The following DAB1 variants were observed in gnomAD, a reference collection of about 807,000 sequenced individuals.
DAB1 encodes the protein DAB adaptor protein 1.
Under a neutral mutation model 64.6 loss-of-function variants are expected in DAB1, and 15 were observed. That is an observed-to-expected ratio of 0.23 (90% confidence interval 0.16 to 0.36). DAB1 has a LOEUF of 0.36. DAB1 is among the 10% of genes least tolerant of loss of function. The pLI is 1.00. For synonymous variants in DAB1, 235 were observed against 251.9 expected (o/e 0.93, Z 0.64); for missense variants, 596 against 706.7 (o/e 0.84, Z 1.78).
intron 4 of DAB1, among the ~76,000 whole-genome samples, chr1:57,130,571 A>G (rs1474228371): frequency 2.0e-5 from 3 of 152,192 alleles, no homozygotes; most frequent in South Asian, 2.1e-4. Flanking sequence ...ATGAAATACT[A>G]TCAGGCCATA....
chr1:58,195,144 CAGAGAGACAG>C (rs1383530978), intron 4 of DAB1, among the ~76,000 whole-genome samples: 4 of 81,776 alleles, frequency 4.9e-5, no homozygotes, highest in East Asian at 1.3e-3. Flanking sequence ...GAGAGAGAGA[CAGAGAGACAG>C]AGAGAGACAG....
chr1:57,359,134 C>A (rs1558234158), intron 1 of DAB1, among the ~76,000 whole-genome samples: 1 of 151,926 alleles, frequency 6.6e-6, no homozygotes, highest in Non-Finnish European at 1.5e-5. Flanking sequence ...GCAAACAAAC[C>A]AATCAACAGA....
chr1:58,195,246 C>A (rs556263624), intron 4 of DAB1, among the ~76,000 whole-genome samples: 4 of 151,998 alleles, frequency 2.6e-5, no homozygotes, highest in Admixed American at 6.6e-5. Context: ...TTGTTGAGCC[C>A]AAAAATGAAT....
chr1:58,298,938 T>C (rs1662054031), intron 4 of DAB1, among the ~76,000 whole-genome samples: 1 of 152,224 alleles, frequency 6.6e-6, no homozygotes, highest in African/African-American at 2.4e-5. Flanking sequence ...CTTCTCTCTT[T>C]TATGTATATA....
At chr1:57,234,464 T>C (rs960278130) in intron 2 of DAB1, among the ~76,000 whole-genome samples, 1 of 152,228 alleles carries the variant, frequency 6.6e-6, no homozygotes, top group Non-Finnish European at 1.5e-5. Context: ...AATAATTGTA[T>C]TGAGTGCTTT....
chr1:58,006,191 A>G (rs770250346), intron 5 of DAB1, among the ~76,000 whole-genome samples: 1 of 152,200 alleles, frequency 6.6e-6, no homozygotes, highest in African/African-American at 2.4e-5. Context: ...ATGAATATTT[A>G]TCAATTTAAC....
At chr1:57,219,904 G>A (rs906915613) in intron 2 of DAB1, among the ~76,000 whole-genome samples, 4 of 152,170 alleles carry the variant, frequency 2.6e-5, no homozygotes, top group South Asian at 2.1e-4. Context: ...AAGCTGGGCC[G>A]AGACCCCTGA....
intron 5 of DAB1, among the ~76,000 whole-genome samples, chr1:57,947,567 G>A (rs887451923): frequency 5.3e-5 from 8 of 152,024 alleles, no homozygotes; most frequent in African/African-American, 1.7e-4. Flanking sequence ...CAAACGTCCC[G>A]TGGAAAGAAA....
chr1:58,081,498 T>A (rs1056851715), intron 5 of DAB1, among the ~76,000 whole-genome samples: 2 of 152,190 alleles, frequency 1.3e-5, no homozygotes, highest in Non-Finnish European at 2.9e-5. Flanking sequence ...ACAGAGAAAC[T>A]GAGATGGCCT....
At chr1:57,144,461 C>T (rs756674068) in intron 3 of DAB1, among the ~76,000 whole-genome samples, 2 of 151,860 alleles carry the variant, frequency 1.3e-5, no homozygotes, top group South Asian at 2.1e-4. Context: ...TTTGGGAGGC[C>T]GAGGCGGACG....
chr1:57,028,293 C>A (rs1266727005), intron 9 of DAB1, among the ~76,000 whole-genome samples: 1 of 152,182 alleles, frequency 6.6e-6, no homozygotes, highest in Non-Finnish European at 1.5e-5. Context: ...CTTTCCCTTG[C>A]TGCTGCCATG....
At chr1:57,836,320 G>A (rs1018102802) in intron 1 of DAB1, among the ~76,000 whole-genome samples, 24 of 152,210 alleles carry the variant, frequency 1.6e-4, no homozygotes, top group African/African-American at 5.8e-4. Context: ...AGTGTTCCAT[G>A]CCTATATAGT....
At chr1:57,108,078 T>C (rs1380567191) in intron 4 of DAB1, among the ~76,000 whole-genome samples, 1 of 152,174 alleles carries the variant, frequency 6.6e-6, no homozygotes, top group Non-Finnish European at 1.5e-5. Context: ...TTTTCCTGTA[T>C]CTTTCTGAAT....
At chr1:57,470,644 A>G (rs1687104509) in intron 7 of DAB1, among the ~76,000 whole-genome samples, 2 of 152,204 alleles carry the variant, frequency 1.3e-5, no homozygotes, top group African/African-American at 4.8e-5. Context: ...CAGGTGGCCT[A>G]ATTCAGAAAA....
At chr1:58,396,821 G>A (rs543635999) in intron 3 of DAB1, among the ~76,000 whole-genome samples, 13 of 152,278 alleles carry the variant, frequency 8.5e-5, no homozygotes, top group African/African-American at 1.2e-4. Context: ...CCAGCACTTT[G>A]GGAGGCCAAG....
chr1:57,292,142 C>T (rs1236166107), intron 1 of DAB1, among the ~76,000 whole-genome samples: 1 of 152,134 alleles, frequency 6.6e-6, no homozygotes, highest in African/African-American at 2.4e-5. Flanking sequence ...CTTAGTTCAT[C>T]CCACAGATGT....
intron 6 of DAB1, among the ~76,000 whole-genome samples, chr1:57,734,146 T>C (rs1647570593): frequency 6.6e-6 from 1 of 152,192 alleles, no homozygotes; most frequent in Non-Finnish European, 1.5e-5. Context: ...CTTGAAACTT[T>C]GTTCACAAAC....
At chr1:57,754,248 C>T (rs542849945) in intron 6 of DAB1, among the ~76,000 whole-genome samples, 3 of 152,124 alleles carry the variant, frequency 2.0e-5, no homozygotes, top group Non-Finnish European at 2.9e-5. Context: ...ATATGCCTGG[C>T]CCCTGTAAAT....
chr1:57,648,167 C>T (rs1646215970), intron 7 of DAB1, among the ~76,000 whole-genome samples: 1 of 152,156 alleles, frequency 6.6e-6, no homozygotes, highest in Non-Finnish European at 1.5e-5. Flanking sequence ...AAACTCAGTC[C>T]AGCATCAAAT....
Sources: allele counts gnomAD v4.1 joint callset (sites outside exome capture counted in the v4.1 genomes callset), GRCh38; gene constraint gnomAD v4.1.1; transcripts MANE v1.5; gene names NCBI Gene and HGNC (gene_info 2026-07-23, HGNC 2026-07-21).